Variants in HHLA2 observed in about 807,000 individuals in gnomAD.
HHLA2 encodes HHLA2 member of B7 family, also known as HERV-H LTR-associating protein 2.
HHLA2 carries 48 observed loss-of-function variants against 45.9 expected under a neutral mutation model. The observed-to-expected ratio is 1.05, with a 90% CI of 0.83 to 1.33. The LOEUF is 1.33. HHLA2 is among the 40% of genes most tolerant of loss of function. The pLI is 0.00. For synonymous variants in HHLA2, 161 were observed against 173.9 expected (o/e 0.93, Z 0.59); for missense variants, 462 against 494.3 (o/e 0.93, Z 0.62).
chr3:108,335,261 G>A (rs1427745442), intron 3 of HHLA2, among the ~76,000 whole-genome samples: 1 of 152,206 alleles, frequency 6.6e-6, no homozygotes, highest in East Asian at 1.9e-4. Flanking sequence ...AAGAATAAAT[G>A]AGTTGCATGA....
chr3:108,353,356 T>A, intron 4 of HHLA2, 71 bp from the exon 4 acceptor site: 1 of 943,332 alleles, frequency 1.1e-6, no homozygotes, highest in East Asian at 2.6e-5. Context: ...TTCTTCTGGG[T>A]AGTTCTGGTA....
At chr3:108,326,445 C>T (rs746577866) in intron 2 of HHLA2, among the ~76,000 whole-genome samples, 3 of 152,182 alleles carry the variant, frequency 2.0e-5, no homozygotes, top group Non-Finnish European at 2.9e-5. Flanking sequence ...TCTCCTAAGA[C>T]TTATTCACTA....
chr3:108,358,584 A>C (rs967978380), intron 7 of HHLA2, among the ~76,000 whole-genome samples: 1 of 152,204 alleles, frequency 6.6e-6, no homozygotes, highest in Non-Finnish European at 1.5e-5. Context: ...TGAACTTGGA[A>C]ATAGTCACCA....
In HHLA2 at chr3:108,336,601, G is replaced by A. The variant is rs2081475682; in HGVS notation, c.-27+8254G>A. Among the ~76,000 whole-genome samples the A allele has an allele frequency of 2.0e-5, 3 of 152,128 alleles. No individual in the cohort carries two copies. In the South Asian group the frequency reaches 6.2e-4, roughly 32 times the overall value. ...CAGAAAGTGGGATACTGTGTTGGCT[G>A]AGGTGACTGACCTTGCCTAGTAAGG... On this transcript the variant is annotated intron_variant, in intron 3 of 10. Coordinates refer to ENST00000619531, the Ensembl canonical transcript of HHLA2.
intron 7 of HHLA2, among the ~76,000 whole-genome samples, chr3:108,361,860 A>G (rs560988170): frequency 3.3e-5 from 5 of 152,314 alleles, no homozygotes; most frequent in East Asian, 1.9e-4. Context: ...CTCTAGGCCA[A>G]TGGCAGACTG....
At chr3:108,319,768 G>T (rs532135837) in intron 2 of HHLA2, among the ~76,000 whole-genome samples, 32 of 152,232 alleles carry the variant, frequency 2.1e-4, no homozygotes, top group African/African-American at 6.7e-4. Flanking sequence ...TATCTCTTTT[G>T]CTAGTTAGCA....
intron 2 of HHLA2, among the ~76,000 whole-genome samples, chr3:108,318,140 C>T (rs1228162359): frequency 2.7e-5 from 4 of 149,818 alleles, no homozygotes; most frequent in Non-Finnish European, 4.4e-5. Context: ...GAGATCATGC[C>T]ACTGCACTCC....
At chr3:108,356,875 T>C (rs1277975963) in intron 6 of HHLA2, among the ~76,000 whole-genome samples, 2 of 152,200 alleles carry the variant, frequency 1.3e-5, no homozygotes, top group African/African-American at 4.8e-5. Context: ...TGTCACAGAA[T>C]ATGTGCTTAA....
intron 2 of HHLA2, among the ~76,000 whole-genome samples, chr3:108,321,174 A>C (rs2081195020): frequency 6.7e-6 from 1 of 149,098 alleles, no homozygotes; most frequent in Non-Finnish European, 1.5e-5. Context: ...ATTTAGACTC[A>C]CTCCTCTCCA....
chr3:108,353,705 G>A, exon 5 of HHLA2: 1 of 1,613,602 alleles, frequency 6.2e-7, no homozygotes, highest in Non-Finnish European at 8.5e-7. Context: ...AAGCCTTCTG[G>A]ACGAAGGAAT....
intron 4 of HHLA2, 79 bp from the exon 4 acceptor site, chr3:108,353,345 GTTC>G (rs2081815654): frequency 2.3e-6 from 2 of 852,594 alleles, no homozygotes; most frequent in East Asian, 5.3e-5. Context: ...ACCTAGGATA[GTTC>G]TTCTGGGTAG....
At chr3:108,342,081 C>T (rs2081581304) in intron 3 of HHLA2, among the ~76,000 whole-genome samples, 1 of 152,102 alleles carries the variant, frequency 6.6e-6, no homozygotes, top group Admixed American at 6.6e-5. Flanking sequence ...GAGGCAGTCG[C>T]GTCCTGCAAC....
chr3:108,377,134 C>A, intron 10 of HHLA2, 124 bp from the exon 10 acceptor site: 2 of 644,446 alleles, frequency 3.1e-6, no homozygotes. Context: ...ATTTCAGATG[C>A]AAGCAATAGA....
intron 1 of HHLA2, among the ~76,000 whole-genome samples, chr3:108,300,294 C>T (rs750487942): frequency 6.6e-6 from 1 of 152,014 alleles, no homozygotes; most frequent in Admixed American, 6.6e-5. Context: ...GAAGAAACAG[C>T]CCAGGGAATT....
chr3:108,365,699 A>T (rs2082052532), intron 8 of HHLA2, among the ~76,000 whole-genome samples: 1 of 152,140 alleles, frequency 6.6e-6, no homozygotes, highest in Admixed American at 6.5e-5. Flanking sequence ...GGTCCTTCAC[A>T]TCCCTTGTAA....
intron 2 of HHLA2, chr3:108,325,546 C>A: frequency 3.7e-6 from 1 of 268,810 alleles, no homozygotes; most frequent in East Asian, 1.0e-4. Flanking sequence ...CCATCATAGC[C>A]ATCTTGGTTT....
At chr3:108,334,603 C>A (rs1293176543) in intron 3 of HHLA2, among the ~76,000 whole-genome samples, 1 of 152,138 alleles carries the variant, frequency 6.6e-6, no homozygotes, top group Non-Finnish European at 1.5e-5. Context: ...TACTCAGAGA[C>A]AAATGTTTTA....
chr3:108,333,563 C>T (rs1018412218), intron 3 of HHLA2, among the ~76,000 whole-genome samples: 1 of 147,412 alleles, frequency 6.8e-6, no homozygotes, highest in Non-Finnish European at 1.5e-5. Flanking sequence ...GTGGTCCAAC[C>T]CTATATGTCT....
intron 8 of HHLA2, among the ~76,000 whole-genome samples, chr3:108,369,293 C>G (rs1271580561): frequency 6.6e-6 from 1 of 152,120 alleles, no homozygotes; most frequent in Non-Finnish European, 1.5e-5. Context: ...AATCAACACC[C>G]TAACATCACA....
Sources: allele counts gnomAD v4.1 joint callset (sites outside exome capture counted in the v4.1 genomes callset), GRCh38; gene constraint gnomAD v4.1.1; transcripts MANE v1.5; gene names NCBI Gene and HGNC (gene_info 2026-07-23, HGNC 2026-07-21).